Variants in PLD5 observed in about 807,000 individuals in gnomAD.
The protein encoded by PLD5 is inactive phospholipase D5.
Under a neutral mutation model 61.1 loss-of-function variants are expected in PLD5, and 36 were observed. That is an observed-to-expected ratio of 0.59 (90% CI 0.45 to 0.78). PLD5 has a LOEUF of 0.78. Among genes scored for constraint, PLD5 ranks in the 30% least tolerant of loss-of-function variants. PLD5 has a pLI of 0.00. For synonymous variants in PLD5, 243 were observed against 242.8 expected, an observed-to-expected ratio of 1.00 and a Z score of -0.01; for missense variants, 515 against 644.4, an observed-to-expected ratio of 0.80 and a Z score of 2.17.
At chr1:242,320,273 T>G (rs1216865314) in intron 2 of PLD5, among the ~76,000 whole-genome samples, 1 of 152,234 alleles carries the variant, frequency 6.6e-6, no homozygotes, top group Non-Finnish European at 1.5e-5. Context: ...CAGTGCAACA[T>G]GAAGTATAGC....
chr1:242,239,206 A>G (rs574642209), intron 4 of PLD5, among the ~76,000 whole-genome samples: 55 of 152,312 alleles, frequency 3.6e-4, no homozygotes, highest in Non-Finnish European at 4.7e-4. Context: ...CATGCTGTAG[A>G]ATCTCTGTGC....
rs191482509 is a variant in PLD5 at position 242,205,155 on chromosome 1, G to A, written c.735+14833C>T. Among the ~76,000 whole-genome samples the A allele has an allele frequency of 1.5e-4, 23 of 152,240 alleles. No individual in the cohort carries two copies. In the South Asian group the frequency reaches 1.9e-3, roughly 12 times the overall value. On this transcript the variant is annotated intron_variant, in intron 5 of 9. Coordinates refer to ENST00000536534, the MANE Select transcript of PLD5 (RefSeq NM_001372062.1). ...AGAACATATTCAGGAAGCAGGGGTTGGAGGGACAAATCCAGGAAAACTTCA... is the reference window on the plus strand; with the variant it reads ...AGAACATATTCAGGAAGCAGGGGTTAGAGGGACAAATCCAGGAAAACTTCA...
intron 2 of PLD5, among the ~76,000 whole-genome samples, chr1:242,289,217 T>C (rs928026932): frequency 6.6e-6 from 1 of 152,252 alleles, no homozygotes; most frequent in Non-Finnish European, 1.5e-5. Flanking sequence ...ATTGACAATA[T>C]ATCTGTTGTA....
chr1:242,258,874 C>T (rs972322368), intron 4 of PLD5, among the ~76,000 whole-genome samples: 5 of 152,140 alleles, frequency 3.3e-5, no homozygotes, highest in African/African-American at 1.2e-4. Flanking sequence ...GATTCAGAAA[C>T]ATTGGACTCT....
chr1:242,167,799 G>A (rs1041747657), intron 5 of PLD5, among the ~76,000 whole-genome samples: 4 of 152,160 alleles, frequency 2.6e-5, no homozygotes, highest in African/African-American at 4.8e-5. Flanking sequence ...AATGTGTGTC[G>A]TGCATCACGG....
chr1:242,281,136 CA>C (rs1439829602), intron 3 of PLD5, among the ~76,000 whole-genome samples: 2 of 152,116 alleles, frequency 1.3e-5, no homozygotes, highest in Non-Finnish European at 2.9e-5. Flanking sequence ...CCAAAACGTG[CA>C]GTGGTTTTAA....
intron 2 of PLD5, among the ~76,000 whole-genome samples, chr1:242,298,013 T>C (rs1464356932): frequency 6.6e-6 from 1 of 152,248 alleles, no homozygotes; most frequent in Non-Finnish European, 1.5e-5. Context: ...GTTGCATATA[T>C]TGCCAATGGG....
chr1:242,480,050 AG>A lies in PLD5; in HGVS notation c.189+44037del, dbSNP rs778558640. 7.5e-3 allele frequency among the ~76,000 whole-genome samples: 1,014 copies of A among 134,938 alleles called. 13 individuals carry two copies. Among genetic ancestry groups the A allele is most frequent in the African/African-American group, 0.025 (956 of 38,994 alleles). 88.5% of individuals were successfully genotyped at this position (134,938 alleles called of 152,430 possible). Reference sequence around the variant, plus strand: ...TGGTAACAGAGCAAGACTCTGTCTCAGAAAAAAAAAAAACAAAAAAAAAGGA... The same window carrying A: ...TGGTAACAGAGCAAGACTCTGTCTCAAAAAAAAAAAAACAAAAAAAAAGGA... On this transcript the variant is annotated intron_variant, in intron 1 of 9. Coordinates refer to ENST00000536534, the MANE Select transcript of PLD5 (RefSeq NM_001372062.1).
upstream of PLD5, among the ~76,000 whole-genome samples, chr1:242,525,150 T>TC (rs1276725811): frequency 2.0e-5 from 3 of 151,750 alleles, no homozygotes; most frequent in South Asian, 2.1e-4. Flanking sequence ...TGCCCAGCAT[T>TC]CCCCCCTGAA....
chr1:242,430,625 C>T lies in PLD5; in HGVS notation c.190-82383G>A, dbSNP rs190559758. Among the ~76,000 whole-genome samples, 5 of 152,262 alleles carry T rather than the reference C, an allele frequency of 3.3e-5. No individual in the cohort carries two copies. The East Asian group carries it at 7.7e-4, about 24-fold the overall frequency. ...TACTCCTAGTGGTGGGCTGGTTTCCCTATGTTGGCTATCTGTCCCTTCCAA... is the reference window on the plus strand; with the variant it reads ...TACTCCTAGTGGTGGGCTGGTTTCCTTATGTTGGCTATCTGTCCCTTCCAA... On this transcript the variant is annotated intron_variant, in intron 1 of 9. Coordinates refer to ENST00000536534, the MANE Select transcript of PLD5 (RefSeq NM_001372062.1).
rs1005328222 is a variant in PLD5 at position 242,086,803 on chromosome 1, T to A, written c.*3051A>T. ...GTTAGTGGTACTGAAATCCAAGATA[T>A]AGTCTCTAATTGTGTTTGTTTTCCT... On this transcript the variant is annotated 3_prime_UTR_variant, in exon 10 of 10. Transcript: ENST00000536534. 2 of 152,196 alleles carry A rather than the reference T, an allele frequency of 1.3e-5. No individual in the cohort carries two copies. Among genetic ancestry groups the A allele is most frequent in the East Asian group, 3.8e-4 (2 of 5,200 alleles). The allele number at this position is 152,196 out of a possible 1,614,324, so 9.4% of individuals were successfully genotyped here. A position where few individuals can be genotyped will look rare whatever the true frequency, so the allele number is the denominator to read the frequency against.
chr1:242,189,445 C>CAAAAAAAAAA (rs58476673), intron 5 of PLD5, among the ~76,000 whole-genome samples: 1 of 70,438 alleles, frequency 1.4e-5, no homozygotes, highest in African/African-American at 4.5e-5. Flanking sequence ...GACTCCATCT[C>CAAAAAAAAAA]AAAAAAAAAA....
rs57210464 is a variant in PLD5 at position 242,138,563 on chromosome 1, A to G, written c.736-13898T>C. Among the ~76,000 whole-genome samples the G allele has an allele frequency of 8.5e-3, 1,294 of 152,352 alleles. 18 individuals carry two copies. Among genetic ancestry groups the G allele is most frequent in the African/African-American group, 0.029 (1,209 of 41,574 alleles). On this transcript the variant is annotated intron_variant, in intron 5 of 9. Coordinates refer to ENST00000536534, the MANE Select transcript of PLD5 (RefSeq NM_001372062.1). ...TCCATCACTGACTATAGTAATTGCA[A>G]GAGATTTTATAAAGGTCCAATGCGG...
At chr1:242,459,320 C>T (rs577004644) in intron 1 of PLD5, among the ~76,000 whole-genome samples, 1 of 152,314 alleles carries the variant, frequency 6.6e-6, no homozygotes, top group African/African-American at 2.4e-5. Context: ...TGAGGCCTCT[C>T]AAGCACACTT....
intron 1 of PLD5, among the ~76,000 whole-genome samples, chr1:242,382,871 A>C (rs1304024759): frequency 6.6e-6 from 1 of 152,232 alleles, no homozygotes; most frequent in Non-Finnish European, 1.5e-5. Context: ...ATATCCAAAA[A>C]GGTTTTACAT....
rs563686791 is a variant in PLD5 at position 242,382,618 on chromosome 1, C to T, written c.190-34376G>A. 2.0e-5 allele frequency among the ~76,000 whole-genome samples: 3 copies of T among 152,262 alleles called. 1 individual carries two copies. In the South Asian group the frequency reaches 6.2e-4, roughly 32 times the overall value. On this transcript the variant is annotated intron_variant, in intron 1 of 9. Transcript: ENST00000536534. Reference sequence around the variant, plus strand: ...GATTGTAGAAAGAGCTTGATAAAAGCATTTTTACTGGTGTGGTAAGGAAGG... The same window carrying T: ...GATTGTAGAAAGAGCTTGATAAAAGTATTTTTACTGGTGTGGTAAGGAAGG...
intron 5 of PLD5, among the ~76,000 whole-genome samples, chr1:242,185,166 G>A (rs1667789707): frequency 6.6e-6 from 1 of 152,126 alleles, no homozygotes; most frequent in Non-Finnish European, 1.5e-5. Flanking sequence ...CGAAATAAAT[G>A]AGGCTGTCTC....
At chr1:242,172,447 C>G (rs1666819723) in intron 5 of PLD5, among the ~76,000 whole-genome samples, 1 of 152,032 alleles carries the variant, frequency 6.6e-6, no homozygotes, top group Admixed American at 6.6e-5. Flanking sequence ...AATCGACACC[C>G]TAACATCACA....
At chr1:242,385,802 G>A (rs1241372686) in intron 1 of PLD5, among the ~76,000 whole-genome samples, 1 of 152,152 alleles carries the variant, frequency 6.6e-6, no homozygotes, top group Non-Finnish European at 1.5e-5. Flanking sequence ...TGGTCAACGA[G>A]GTATTTGCAT....
Sources: gnomAD v4.1 joint callset for allele counts (sites outside exome capture counted in the v4.1 genomes callset) on GRCh38, gnomAD v4.1.1 for gene constraint, MANE v1.5 for transcripts, NCBI Gene and HGNC (gene_info 2026-07-23, HGNC 2026-07-21) for gene names.